Variants in COX7A2L observed in about 807,000 individuals in gnomAD.
The protein encoded by COX7A2L is cytochrome c oxidase subunit 7A2-like, mitochondrial.
Under a neutral mutation model 14.2 loss-of-function variants are expected in COX7A2L, and 18 were observed. The observed-to-expected ratio is 1.27, with a 90% confidence interval of 0.88 to 1.88. The LOEUF (loss-of-function observed/expected upper bound fraction) is 1.88. Among genes scored for constraint, COX7A2L ranks in the 40% most tolerant of loss-of-function variants. The probability of loss-of-function intolerance (pLI) is 0.00; values close to 1 mark genes in which losing one functional copy is unlikely to be tolerated. For missense variants in COX7A2L, 179 were observed against 138.8 expected (o/e 1.29, Z -1.46); for synonymous variants, 65 against 57.4 (o/e 1.13, Z -0.60).
At chr2:42,346,005 ACT>A (rs1670490290), downstream of COX7A2L, among the ~76,000 whole-genome samples, 1 of 152,136 alleles carries the variant, frequency 6.6e-6, no homozygotes, top group South Asian at 2.1e-4. Flanking sequence ...CATAATCCTA[ACT>A]CTGAGAATAA....
intron 2 of COX7A2L, among the ~76,000 whole-genome samples, chr2:42,336,899 G>A (rs963785569): frequency 2.6e-5 from 4 of 152,280 alleles, no homozygotes; most frequent in South Asian, 2.1e-4. Context: ...CCTGCCTAGT[G>A]CAAGGAACTG....
downstream of COX7A2L, among the ~76,000 whole-genome samples, chr2:42,348,690 G>A (rs943486997): frequency 5.9e-5 from 9 of 152,060 alleles, no homozygotes; most frequent in Non-Finnish European, 1.0e-4. Flanking sequence ...AGGCTGAGGC[G>A]GGCAGATCAT....
rs754861342 is a variant in COX7A2L at position 42,339,045 on chromosome 2, C to T, written c.193-5176G>A. Among the ~76,000 whole-genome samples the T allele has an allele frequency of 4.1e-4, 63 of 152,186 alleles. No homozygotes were observed. The highest frequency in any genetic ancestry group is 2.9e-4 in the Non-Finnish European group (20 of 68,048). On this transcript the variant is annotated intron_variant, in intron 2 of 2. Coordinates refer to the COX7A2L transcript ENST00000468711. The surrounding 1 kb of genome is among the most constrained non-coding windows in gnomAD (Gnocchi z 5.4). ...TGTTTGCACTGGAAGCCATGGGCAACGCAACAGATTGTGAGGAAACCCTGC... is the reference window on the plus strand; with the variant it reads ...TGTTTGCACTGGAAGCCATGGGCAATGCAACAGATTGTGAGGAAACCCTGC...
chr2:42,336,962 C>A (rs1035422690), intron 2 of COX7A2L, among the ~76,000 whole-genome samples: 2 of 152,270 alleles, frequency 1.3e-5, no homozygotes, highest in South Asian at 2.1e-4. Context: ...CCTGCCCTCA[C>A]GGAGCATACA....
At chr2:42,337,731 T>A (rs1276666079) in intron 2 of COX7A2L, among the ~76,000 whole-genome samples, 1 of 152,074 alleles carries the variant, frequency 6.6e-6, no homozygotes, top group Non-Finnish European at 1.5e-5. Flanking sequence ...TTCCTCAGAG[T>A]CTCAAAATAA....
rs1157741153 is a variant in COX7A2L at position 42,350,523 on chromosome 2, CCA to C, written c.*694_*695del. 1 of 152,078 alleles carries C rather than the reference CCA, an allele frequency of 6.6e-6. No individual in the cohort carries two copies. The highest frequency in any genetic ancestry group is 1.5e-5 in the Non-Finnish European group (1 of 68,012). The allele number at this position is 152,078 out of a possible 1,614,324, so 9.4% of individuals were successfully genotyped here. ...AAAATTTTTCATTCATGTATTTATT[CCA>C]CAGTCAAAATAAATCAAAATTTAAA... On this transcript the variant is annotated 3_prime_UTR_variant, in exon 3 of 3. Transcript: ENST00000234301.
chr2:42,361,453 C>T (rs1035770831), upstream of COX7A2L: 5 of 314,368 alleles, frequency 1.6e-5, no homozygotes, highest in Admixed American at 1.0e-4. Context: ...CAGATTTGGG[C>T]AGTGCCACGA....
chr2:42,360,794 G>T (rs1572801723), intron 1 of COX7A2L: 1 of 423,958 alleles, frequency 2.4e-6, no homozygotes, highest in African/African-American at 2.1e-5. Flanking sequence ...GGTCACACTG[G>T]GGACCCCCAC....
Position 42,359,276 on chromosome 2 carries a change from T to G in COX7A2L, c.72+1814A>C, listed in dbSNP as rs527457422. 9.9e-5 allele frequency: 15 copies of G among 152,082 alleles called. 1 individual carries two copies. In the South Asian group the frequency reaches 3.1e-3, roughly 32 times the overall value. 9.4% of individuals were successfully genotyped at this position (152,082 alleles called of 1,614,324 possible). Reference sequence around the variant, plus strand: ...AGAGCTGGTTCCATTTACATGAAGTTCAAAAAAAGGCAAAACTATCTATTT... The same window carrying G: ...AGAGCTGGTTCCATTTACATGAAGTGCAAAAAAAGGCAAAACTATCTATTT... On this transcript the variant is annotated intron_variant, in intron 1 of 2. Transcript: ENST00000234301.
chr2:42,367,300 T>C (rs1487520987), intron 1 of COX7A2L, among the ~76,000 whole-genome samples: 1 of 152,078 alleles, frequency 6.6e-6, no homozygotes, highest in Non-Finnish European at 1.5e-5. Flanking sequence ...GTCTCAGAGG[T>C]GAAATGATGT....
chr2:42,363,481 A>G (rs192192199), upstream of COX7A2L, among the ~76,000 whole-genome samples: 19 of 152,304 alleles, frequency 1.2e-4, no homozygotes, highest in East Asian at 3.7e-3. Context: ...GCCTGTCAAC[A>G]CTGGTTATTT....
chr2:42,365,496 A>C (rs993813587), upstream of COX7A2L, among the ~76,000 whole-genome samples: 1 of 152,032 alleles, frequency 6.6e-6, no homozygotes, highest in Non-Finnish European at 1.5e-5. Flanking sequence ...GCATGGTGGC[A>C]TGCATCTGTA....
At chr2:42,351,690 G>A (rs571085543) in intron 2 of COX7A2L, among the ~76,000 whole-genome samples, 2 of 152,332 alleles carry the variant, frequency 1.3e-5, no homozygotes, top group African/African-American at 4.8e-5. Flanking sequence ...GCAGGCAGGA[G>A]AGGCTGGGCG....
intron 1 of COX7A2L, among the ~76,000 whole-genome samples, chr2:42,358,677 C>T (rs534022199): frequency 2.2e-4 from 34 of 152,288 alleles, no homozygotes; most frequent in African/African-American, 7.7e-4. Flanking sequence ...ACACGATTCA[C>T]GAGGAGAGGT....
At chr2:42,355,275 G>A (rs192978496) in intron 1 of COX7A2L, among the ~76,000 whole-genome samples, 3 of 152,304 alleles carry the variant, frequency 2.0e-5, no homozygotes, top group African/African-American at 7.2e-5. Context: ...GTTTGAACTG[G>A]ATGGAGAATG....
At chr2:42,358,933 T>C (rs1045334050) in intron 1 of COX7A2L, among the ~76,000 whole-genome samples, 3 of 152,030 alleles carry the variant, frequency 2.0e-5, no homozygotes, top group Non-Finnish European at 4.4e-5. Context: ...GAGTTCGAGA[T>C]CAGGCTGTGC....
Position 42,353,211 on chromosome 2 carries a change from C to T in COX7A2L, c.204+1G>A, listed in dbSNP as rs1341369159. 1 of 1,613,642 alleles carries T rather than the reference C, an allele frequency of 6.2e-7. No individual in the cohort carries two copies. Among genetic ancestry groups the T allele is most frequent in the African/African-American group, 1.3e-5 (1 of 74,890 alleles). On this transcript the variant is annotated splice_donor_variant, in intron 2 of 2. Transcript: ENST00000234301. LOFTEE classifies it high-confidence loss of function. ...TTCTGTTGTAGAGTATCTTCCCTCA[C>T]CTGGAAAAACTTTTGTAGCTCTGGA...
intron 1 of COX7A2L, among the ~76,000 whole-genome samples, chr2:42,366,949 G>A (rs976448798): frequency 6.6e-6 from 1 of 152,172 alleles, no homozygotes; most frequent in Non-Finnish European, 1.5e-5. Context: ...TCAAAGATAA[G>A]GAATCTGTAT....
chr2:42,347,306 CCTTT>C (rs1480708251), downstream of COX7A2L, among the ~76,000 whole-genome samples: 1 of 107,666 alleles, frequency 9.3e-6, no homozygotes, highest in Non-Finnish European at 1.8e-5. Context: ...TAAACCAGCA[CCTTT>C]TTTTTTTTTT....
Sources: allele counts gnomAD v4.1 joint callset (sites outside exome capture counted in the v4.1 genomes callset), GRCh38; gene constraint gnomAD v4.1.1; non-coding constraint Gnocchi (gnomAD v3.1); transcripts MANE v1.5; gene names NCBI Gene and HGNC (gene_info 2026-07-23, HGNC 2026-07-21).